The following STIM1 variants were observed in gnomAD, a reference collection of about 807,000 sequenced individuals.
STIM1 encodes the protein stromal interaction molecule 1.
A neutral mutation model predicts 74.7 loss-of-function variants in STIM1; 25 were observed. That is an observed-to-expected ratio of 0.33 (90% CI 0.24 to 0.47). The LOEUF (loss-of-function observed/expected upper bound fraction) is 0.47. Among genes scored for constraint, STIM1 ranks in the 20% least tolerant of loss-of-function variants. STIM1 has a pLI of 1.00. For missense variants in STIM1, 728 were observed against 920.8 expected, an observed-to-expected ratio of 0.79 and a Z score of 2.71; for synonymous variants, 328 against 348.8, an observed-to-expected ratio of 0.94 and a Z score of 0.66.
rs114087207 is a variant in STIM1 at position 3,897,105 on chromosome 11, G to T, written c.139+40696G>T. Among the ~76,000 whole-genome samples, 506 of 152,310 alleles carry T rather than the reference G, an allele frequency of 3.3e-3. 2 individuals carry two copies. Among genetic ancestry groups the T allele is most frequent in the African/African-American group, 0.012 (487 of 41,566 alleles). Reference sequence around the variant, plus strand: ...ATAAAGTAGAGGTTTTGTCTAGAGTGATTTCAAAATATTTCTTTCAGGCCC... The same window carrying T: ...ATAAAGTAGAGGTTTTGTCTAGAGTTATTTCAAAATATTTCTTTCAGGCCC... On this transcript the variant is annotated intron_variant, in intron 1 of 12. Coordinates refer to ENST00000526596, the MANE Select transcript of STIM1 (RefSeq NM_001382567.1).
At chr11:3,880,559 A>G (rs1372429141) in intron 1 of STIM1, among the ~76,000 whole-genome samples, 1 of 152,242 alleles carries the variant, frequency 6.6e-6, no homozygotes, top group Admixed American at 6.5e-5. Flanking sequence ...TGGAAAGTCA[A>G]GAACACAGTT....
chr11:4,042,545 T>A (rs1238538347), intron 3 of STIM1, among the ~76,000 whole-genome samples: 21 of 152,136 alleles, frequency 1.4e-4, no homozygotes, highest in Admixed American at 1.4e-3. Flanking sequence ...AGCTGCTCAA[T>A]AAATGTTTTT....
At position 3,972,532 on chromosome 11, in the gene STIM1, A is replaced by T. The variant is rs544423350; in HGVS notation, c.270+4850A>T. Among the ~76,000 whole-genome samples, 3 of 152,186 alleles carry T rather than the reference A, an allele frequency of 2.0e-5. No individual in the cohort carries two copies. In the South Asian group the frequency reaches 6.2e-4, roughly 32 times the overall value. On this transcript the variant is annotated intron_variant, in intron 2 of 12. Coordinates refer to ENST00000526596, the MANE Select transcript of STIM1 (RefSeq NM_001382567.1). ...ACATTTAGCAATCAACAGCATGAGT[A>T]AAAAAAATTATCTACACTAAAACTC...
intron 1 of STIM1, among the ~76,000 whole-genome samples, chr11:3,932,616 C>T (rs900515613): frequency 6.8e-6 from 1 of 146,636 alleles, no homozygotes; most frequent in Non-Finnish European, 1.5e-5. Flanking sequence ...AAGCCGAGAT[C>T]GCTCCACTGC....
chr11:4,067,301 A>G lies in STIM1; in HGVS notation c.614-2725A>G, dbSNP rs115294860. Among the ~76,000 whole-genome samples the G allele has an allele frequency of 2.3e-3, 352 of 152,322 alleles. 1 individual carries two copies. Among genetic ancestry groups the G allele is most frequent in the African/African-American group, 7.8e-3 (325 of 41,568 alleles). On this transcript the variant is annotated intron_variant, in intron 5 of 12. Coordinates refer to ENST00000526596, the MANE Select transcript of STIM1 (RefSeq NM_001382567.1). ...GTGGGATGCCTCCCTTGGTAGCACA[A>G]GAATTTCTCTACACGGACCCTTGTG... is the stretch of plus-strand genomic sequence containing the variant.
intron 1 of STIM1, among the ~76,000 whole-genome samples, chr11:3,899,965 G>T (rs2092304657): frequency 6.6e-6 from 1 of 151,970 alleles, no homozygotes; most frequent in African/African-American, 2.4e-5. Flanking sequence ...CAAGGATATT[G>T]GTCTAAAATT....
chr11:3,922,211 A>AAAT (rs764605876), intron 1 of STIM1, among the ~76,000 whole-genome samples: 3 of 152,072 alleles, frequency 2.0e-5, no homozygotes, highest in Non-Finnish European at 2.9e-5. Flanking sequence ...TAGCCATTCT[A>AAAT]GTGAGTGCTA....
At chr11:3,886,713 G>A (rs1161089777) in intron 1 of STIM1, among the ~76,000 whole-genome samples, 1 of 142,950 alleles carries the variant, frequency 7.0e-6, no homozygotes, top group African/African-American at 2.7e-5. Flanking sequence ...AAAAAAAAAG[G>A]TCTTATTTGG....
intron 5 of STIM1, among the ~76,000 whole-genome samples, chr11:4,068,296 G>A (rs1180364787): frequency 6.6e-6 from 1 of 152,178 alleles, no homozygotes; most frequent in Non-Finnish European, 1.5e-5. Context: ...GGCTCAATCT[G>A]CATACCCACC....
At chr11:3,958,884 G>T (rs1266634788) in intron 1 of STIM1, among the ~76,000 whole-genome samples, 13 of 151,526 alleles carry the variant, frequency 8.6e-5, no homozygotes, top group Admixed American at 8.6e-4. Context: ...GGCAGAGGTT[G>T]CAGTGAGTCG....
chr11:3,933,881 A>G (rs16929616), intron 1 of STIM1, among the ~76,000 whole-genome samples: 6,446 of 152,222 alleles, frequency 0.042, 256 homozygotes, highest in East Asian at 0.18. Context: ...AGTTTGAATG[A>G]AAAAGGCATT....
chr11:4,042,482 C>G (rs999446753), intron 3 of STIM1, among the ~76,000 whole-genome samples: 3 of 152,122 alleles, frequency 2.0e-5, no homozygotes, highest in African/African-American at 7.2e-5. Context: ...GGATCTGTGA[C>G]TGTTTTGTGT....
rs942508650 is a variant in STIM1, at chr11:4,024,555, A to G, written c.385+568A>G. On this transcript the variant is annotated intron_variant, in intron 3 of 12. Coordinates refer to ENST00000526596, the MANE Select transcript of STIM1 (RefSeq NM_001382567.1). ...TCCTTCTTGTCTTGATTTCCTGCCT[A>G]TAAGCACTTTTGTTAATGTGTTTCT... 2.0e-5 allele frequency among the ~76,000 whole-genome samples: 3 copies of G among 152,280 alleles called. No homozygotes were observed. In the East Asian group the frequency reaches 5.8e-4, roughly 29 times the overall value.
At chr11:3,879,931 A>G (rs183495827) in intron 1 of STIM1, among the ~76,000 whole-genome samples, 1 of 152,114 alleles carries the variant, frequency 6.6e-6, no homozygotes, top group Non-Finnish European at 1.5e-5. Context: ...TGCCGAGAGA[A>G]TTCTCTTTCT....
intron 2 of STIM1, among the ~76,000 whole-genome samples, chr11:3,989,776 G>A (rs2093591922): frequency 6.6e-6 from 1 of 152,144 alleles, no homozygotes; most frequent in Non-Finnish European, 1.5e-5. Flanking sequence ...GCAGAGTTGT[G>A]TAGTTGCGAC....
intron 6 of STIM1, among the ~76,000 whole-genome samples, chr11:4,071,216 G>A (rs572298503): frequency 2.6e-5 from 4 of 152,126 alleles, no homozygotes; most frequent in African/African-American, 7.2e-5. Context: ...TTTTGTTTTC[G>A]AGAAGAGGAG....
Position 3,949,514 on chromosome 11 carries a change from C to T in STIM1, c.140-18038C>T, listed in dbSNP as rs528050896. 5.9e-5 allele frequency among the ~76,000 whole-genome samples: 9 copies of T among 152,206 alleles called. No individual in the cohort carries two copies. In the East Asian group the frequency reaches 1.5e-3, roughly 26 times the overall value. ...GGGATTTGAATCCCTGAAAGGGGTC[C>T]TTGAGGGGTGTCTCATGAATCCATA... On this transcript the variant is annotated intron_variant, in intron 1 of 12. Coordinates refer to ENST00000526596, the MANE Select transcript of STIM1 (RefSeq NM_001382567.1).
intron 1 of STIM1, among the ~76,000 whole-genome samples, chr11:3,873,830 G>C (rs989537178): frequency 6.6e-6 from 1 of 152,126 alleles, no homozygotes. Flanking sequence ...AGCTTGGTGA[G>C]GCCTGATTCC....
At chr11:3,918,541 A>AAAAAG (rs1278692734) in intron 1 of STIM1, among the ~76,000 whole-genome samples, 102 of 146,376 alleles carry the variant, frequency 7.0e-4, no homozygotes, top group Middle Eastern at 3.5e-3. Context: ...CTCAAAAAAA[A>AAAAAG]AAAGAAAGAA....
Sources: gnomAD v4.1 joint callset for allele counts (sites outside exome capture counted in the v4.1 genomes callset) on GRCh38, gnomAD v4.1.1 for gene constraint, MANE v1.5 for transcripts, NCBI Gene and HGNC (gene_info 2026-07-23, HGNC 2026-07-21) for gene names.